ZNF503: variants seen among roughly 807,000 people sequenced by gnomAD.
The protein encoded by ZNF503 is zinc finger protein 503.
A neutral mutation model predicts 34.4 loss-of-function variants in ZNF503; 15 were observed. The ratio of observed to expected loss-of-function variants is 0.44; its 90% CI spans 0.29 to 0.67. The LOEUF (loss-of-function observed/expected upper bound fraction) is 0.67, where lower values mean the gene tolerates loss of function less well. Ranked by LOEUF, ZNF503 falls within the 30% of genes least tolerant of loss-of-function variation. The probability of loss-of-function intolerance (pLI) is 0.13; values close to 1 mark genes in which losing one functional copy is unlikely to be tolerated. For synonymous variants in ZNF503, 580 were observed against 456.8 expected (o/e 1.27, Z -3.44); for missense variants, 1,007 against 926.8 (o/e 1.09, Z -1.12).
In ZNF503 at chr10:75,399,847, G is replaced by C. The variant is rs748220466; in HGVS notation, c.843C>G (p.His281Gln). 1 of 1,604,276 alleles carries C rather than the reference G, an allele frequency of 6.2e-7. No individual in the cohort carries two copies. The highest frequency in any genetic ancestry group is 1.1e-5 in the South Asian group (1 of 90,004). Residue 281 changes from histidine to glutamine, a missense_variant, in exon 2 of 2, where the codon CAC becomes CAG. Coordinates refer to ENST00000372524, the MANE Select transcript of ZNF503 (RefSeq NM_032772.6). Reference sequence around the variant, plus strand: ...TCCCGCCGCCGCAGCTAATCCGGCCGTGTGCCAGCCCCGTGGGTCCCCCTT... The same window carrying C: ...TCCCGCCGCCGCAGCTAATCCGGCCCTGTGCCAGCCCCGTGGGTCCCCCTT... Reference protein sequence around the residue: ...SAEGGPTGLAHGRISCGGGIN... With the variant: ...SAEGGPTGLAQGRISCGGGIN...
At chr10:75,323,059 G>T in the ZNF503 span, among the ~76,000 whole-genome samples, 1 of 152,108 alleles carries the variant, frequency 6.6e-6, no homozygotes, top group Non-Finnish European at 1.5e-5. Flanking sequence ...CCCTTGTTCC[G>T]TGTTTTCCCC....
At chr10:75,381,554 T>G in the ZNF503 span, among the ~76,000 whole-genome samples, 1 of 152,092 alleles carries the variant, frequency 6.6e-6, no homozygotes, top group Non-Finnish European at 1.5e-5. Flanking sequence ...AGGGGTACAC[T>G]TTTCTCTTCT....
At chr10:75,372,725 G>A in the ZNF503 span, among the ~76,000 whole-genome samples, 3 of 152,188 alleles carry the variant, frequency 2.0e-5, no homozygotes, top group Middle Eastern at 3.2e-3. Context: ...TGTGGGCAAC[G>A]ACCCCCAATC....
chr10:75,297,910 T>A, the ZNF503 span, among the ~76,000 whole-genome samples: 1 of 152,256 alleles, frequency 6.6e-6, no homozygotes, highest in Admixed American at 6.5e-5. Flanking sequence ...GTTTACCATG[T>A]GATGTTTTGA....
At chr10:75,346,109 G>A in the ZNF503 span, among the ~76,000 whole-genome samples, 6 of 152,196 alleles carry the variant, frequency 3.9e-5, no homozygotes, top group African/African-American at 4.8e-5. Context: ...TGGACAGTTT[G>A]GAGGAAGTGA....
the ZNF503 span, among the ~76,000 whole-genome samples, chr10:75,375,017 G>A: frequency 0.047 from 7,182 of 152,242 alleles, 509 homozygotes; most frequent in African/African-American, 0.15. Flanking sequence ...TTAGCTGCTC[G>A]GTGGCCAGAT....
chr10:75,327,656 T>G, the ZNF503 span, among the ~76,000 whole-genome samples: 1 of 152,208 alleles, frequency 6.6e-6, no homozygotes, highest in Admixed American at 6.5e-5. Context: ...CTATTTGTAG[T>G]TTTTTGAGGA....
chr10:75,401,577 C>G lies in ZNF503; in HGVS notation c.-158G>C. 2 of 861,048 alleles carry G rather than the reference C, an allele frequency of 2.3e-6. No homozygotes were observed. Among genetic ancestry groups the G allele is most frequent in the Non-Finnish European group, 3.5e-6 (2 of 564,294 alleles). 53.3% of individuals were successfully genotyped at this position (861,048 alleles called of 1,614,324 possible). Reference sequence around the variant, plus strand: ...CAGCGCGCCTTCTCGGCGCCTGGAGCCAGACGCGAGTAATCCTGGGTGGCC... The same window carrying G: ...CAGCGCGCCTTCTCGGCGCCTGGAGGCAGACGCGAGTAATCCTGGGTGGCC... On this transcript the variant is annotated 5_prime_UTR_variant, in exon 1 of 2. Coordinates refer to ENST00000372524, the MANE Select transcript of ZNF503 (RefSeq NM_032772.6).
At chr10:75,293,226 G>A in the ZNF503 span, among the ~76,000 whole-genome samples, 1 of 152,186 alleles carries the variant, frequency 6.6e-6, no homozygotes, top group African/African-American at 2.4e-5. Flanking sequence ...GAACAGCAAA[G>A]CATGGCACCA....
the ZNF503 span, among the ~76,000 whole-genome samples, chr10:75,353,354 C>T: frequency 2.6e-5 from 4 of 152,176 alleles, no homozygotes; most frequent in African/African-American, 9.7e-5. Flanking sequence ...GCTGGCTGAG[C>T]GGCCAATTCC....
chr10:75,399,112 G>A lies in ZNF503; in HGVS notation c.1578C>T (p.Asp526=). The A allele has an allele frequency of 6.2e-7, 1 of 1,613,726 alleles. No individual in the cohort carries two copies. The highest frequency in any genetic ancestry group is 8.5e-7 in the Non-Finnish European group (1 of 1,179,824). ...GCTCTTCGGACGTGGCGAAGCGCTT[G>A]TCGCACGGCCCGTTGGCCGACACCC... The part of the protein sequence containing the change: ...CNWVSANGPC[D]KRFATSEELL... Residue 526 remains aspartate, a synonymous_variant, in exon 2 of 2, where the codon GAC becomes GAT. Coordinates refer to ENST00000372524, the MANE Select transcript of ZNF503 (RefSeq NM_032772.6).
At position 75,401,548 on chromosome 10, in the gene ZNF503, C is replaced by T. The variant is rs764195520; in HGVS notation, c.-129G>A. The T allele has an allele frequency of 8.7e-5, 99 of 1,134,604 alleles. No individual in the cohort carries two copies. The highest frequency in any genetic ancestry group is 3.2e-4 in the Admixed American group (13 of 40,396). 70.3% of individuals were successfully genotyped at this position (1,134,604 alleles called of 1,614,324 possible). A position where few individuals can be genotyped will look rare whatever the true frequency, so the allele number is the denominator to read the frequency against. On this transcript the variant is annotated 5_prime_UTR_variant, in exon 1 of 2. Transcript: ENST00000372524. ...GAGGAGCTGGCGCGGCGGCCACGGG[C>T]GCCCAGCGCGCCTTCTCGGCGCCTG...
the ZNF503 span, among the ~76,000 whole-genome samples, chr10:75,311,096 A>G: frequency 1.3e-5 from 2 of 152,192 alleles, no homozygotes; most frequent in Non-Finnish European, 2.9e-5. Flanking sequence ...GTGAGATCCC[A>G]CAATAGGCCA....
At chr10:75,377,082 A>G in the ZNF503 span, among the ~76,000 whole-genome samples, 1 of 152,344 alleles carries the variant, frequency 6.6e-6, no homozygotes, top group South Asian at 2.1e-4. Flanking sequence ...GATTCACCCC[A>G]GACCTACTGA....
chr10:75,390,459 C>T, the ZNF503 span, among the ~76,000 whole-genome samples: 1 of 149,886 alleles, frequency 6.7e-6, no homozygotes, highest in East Asian at 2.0e-4. Context: ...CTTCCTCCTT[C>T]TTCTCATCCT....
the ZNF503 span, among the ~76,000 whole-genome samples, chr10:75,331,383 A>G: frequency 6.6e-6 from 1 of 152,200 alleles, no homozygotes; most frequent in African/African-American, 2.4e-5. Context: ...GATTTGTCCA[A>G]TGCTAAGTGC....
the ZNF503 span, among the ~76,000 whole-genome samples, chr10:75,303,539 C>A: frequency 6.6e-6 from 1 of 152,242 alleles, no homozygotes; most frequent in Non-Finnish European, 1.5e-5. Flanking sequence ...TCTTGCCTCA[C>A]TCTTGCCCTG....
chr10:75,289,645 G>T, the ZNF503 span, among the ~76,000 whole-genome samples: 2 of 151,994 alleles, frequency 1.3e-5, no homozygotes, highest in African/African-American at 4.8e-5. Flanking sequence ...GAGTGCAGTG[G>T]TGTGATCTCA....
chr10:75,367,329 ATATT>A, the ZNF503 span, among the ~76,000 whole-genome samples: 1 of 152,118 alleles, frequency 6.6e-6, no homozygotes, highest in Admixed American at 6.6e-5. Flanking sequence ...CTCTAACTTG[ATATT>A]GCAGGATGCT....
Sources: gnomAD v4.1 joint callset for allele counts (sites outside exome capture counted in the v4.1 genomes callset) on GRCh38, gnomAD v4.1.1 for gene constraint, MANE v1.5 for transcripts, NCBI Gene and HGNC (gene_info 2026-07-23, HGNC 2026-07-21) for gene names.